KIRREL3: variants seen among roughly 807,000 people sequenced by gnomAD.
KIRREL3 encodes the protein kin of IRRE-like protein 3.
A neutral mutation model predicts 89.7 loss-of-function variants in KIRREL3; 36 were observed. That is an observed-to-expected ratio of 0.40 (90% CI 0.31 to 0.53). The LOEUF is 0.53. Ranked by LOEUF, KIRREL3 falls within the 20% of genes least tolerant of loss-of-function variation. KIRREL3 has a pLI of 0.49. For synonymous variants in KIRREL3, 445 were observed against 441.4 expected, an observed-to-expected ratio of 1.01 and a Z score of -0.10; for missense variants, 864 against 1,056.6, an observed-to-expected ratio of 0.82 and a Z score of 2.53.
chr11:126,524,346 G>A (rs1280972315), intron 3 of KIRREL3, among the ~76,000 whole-genome samples: 1 of 152,218 alleles, frequency 6.6e-6, no homozygotes, highest in East Asian at 1.9e-4. Context: ...GGTGGCCAAA[G>A]AGGTCTTTAT....
At position 126,764,991 on chromosome 11, in the gene KIRREL3, T is replaced by C. The variant is rs1484094619; in HGVS notation, c.56-202079A>G. 6.6e-6 allele frequency among the ~76,000 whole-genome samples: 1 copy of C among 152,174 alleles called. No homozygotes were observed. Among genetic ancestry groups the C allele is most frequent in the Non-Finnish European group, 1.5e-5 (1 of 68,030 alleles). On this transcript the variant is annotated intron_variant, in intron 1 of 16. Transcript: ENST00000525144. This position sits in a 1 kb window ranked among gnomAD's most constrained non-coding sequence, Gnocchi z 4.2. ...GAAACTTTTGAGGGTACAAATAGTA[T>C]ACAGGTCAAAAAGTAAAAGGTATCA... is the stretch of plus-strand genomic sequence containing the variant.
rs1437289068 is a variant in KIRREL3 at position 126,769,680 on chromosome 11, G to A, written c.56-206768C>T. ...CCTGCACAATGCTAGGCCCTGTGAA[G>A]GACAAGCAAGCAGACATTTGTCCTT... On this transcript the variant is annotated intron_variant, in intron 1 of 16. Transcript: ENST00000525144. This position sits in a 1 kb window ranked among gnomAD's most constrained non-coding sequence, Gnocchi z 4.3. Among the ~76,000 whole-genome samples the A allele has an allele frequency of 2.0e-5, 3 of 152,156 alleles. No individual in the cohort carries two copies. The highest frequency in any genetic ancestry group is 1.9e-4 in the East Asian group (1 of 5,180).
chr11:126,818,192 G>A (rs921346668), intron 1 of KIRREL3, among the ~76,000 whole-genome samples: 5 of 152,310 alleles, frequency 3.3e-5, no homozygotes, highest in Middle Eastern at 3.4e-3. Flanking sequence ...AGCCAGCTGC[G>A]TGCCAGACGA....
Position 126,995,800 on chromosome 11 carries a change from C to G in KIRREL3, c.55+4655G>C, listed in dbSNP as rs1950165723. On this transcript the variant is annotated intron_variant, in intron 1 of 16. Coordinates refer to ENST00000525144, the MANE Select transcript of KIRREL3 (RefSeq NM_032531.4). This position sits in a 1 kb window ranked among gnomAD's most constrained non-coding sequence, Gnocchi z 6.5. ...TATAATGCTGCCTAAGTCATCCCCACTGGGCTGAACAAAAAAGAAAAACTG... is the reference window on the plus strand; with the variant it reads ...TATAATGCTGCCTAAGTCATCCCCAGTGGGCTGAACAAAAAAGAAAAACTG... Among the ~76,000 whole-genome samples the G allele has an allele frequency of 6.6e-6, 1 of 152,204 alleles. No homozygotes were observed. The highest frequency in any genetic ancestry group is 2.4e-5 in the African/African-American group (1 of 41,432).
Position 126,632,560 on chromosome 11 carries a change from G to A in KIRREL3, c.56-69648C>T, listed in dbSNP as rs117858538. 4.0e-4 allele frequency among the ~76,000 whole-genome samples: 61 copies of A among 152,280 alleles called. No individual in the cohort carries two copies. In the East Asian group the frequency reaches 9.3e-3, roughly 23 times the overall value. ...TGTAACTTTATTACTTTTCCCACTC[G>A]TAAGTAATTGTGACTGACACATTGG... On this transcript the variant is annotated intron_variant, in intron 1 of 16. Transcript: ENST00000525144.
At position 126,668,483 on chromosome 11, in the gene KIRREL3, A is replaced by C. The variant is rs1379757512; in HGVS notation, c.56-105571T>G. ...CCCCAGACAGCTTCCCTTTCCCCAC[A>C]GTCCAACCGGCTGTCTAAGCTTAGG... On this transcript the variant is annotated intron_variant, in intron 1 of 16. Coordinates refer to ENST00000525144, the MANE Select transcript of KIRREL3 (RefSeq NM_032531.4). The surrounding 1 kb of genome is among the most constrained non-coding windows in gnomAD (Gnocchi z 4.4). Among the ~76,000 whole-genome samples the C allele has an allele frequency of 6.6e-6, 1 of 152,154 alleles. No individual in the cohort carries two copies. Among genetic ancestry groups the C allele is most frequent in the East Asian group, 1.9e-4 (1 of 5,182 alleles).
In KIRREL3 at chr11:126,446,846, C is replaced by T; in HGVS notation, c.1038G>A (p.Val346=). 1 of 1,603,470 alleles carries T rather than the reference C, an allele frequency of 6.2e-7. No individual in the cohort carries two copies. Among genetic ancestry groups the T allele is most frequent in the South Asian group, 1.1e-5 (1 of 88,678 alleles). Residue 346 remains valine, a synonymous_variant, in exon 9 of 17, where the codon GTG becomes GTA. Coordinates refer to ENST00000525144, the MANE Select transcript of KIRREL3 (RefSeq NM_032531.4). ...TGAAGATGGCATCAGAGCCCAGATCCACGAGCAAGGATTGGGGTTCTGTGG... is the reference window on the plus strand; with the variant it reads ...TGAAGATGGCATCAGAGCCCAGATCTACGAGCAAGGATTGGGGTTCTGTGG... ...RMTTEPQSLL[V]DLGSDAIFSC...
In KIRREL3 at chr11:126,607,945, G is replaced by A. The variant is rs754980971; in HGVS notation, c.56-45033C>T. 3.3e-5 allele frequency among the ~76,000 whole-genome samples: 5 copies of A among 152,198 alleles called. No individual in the cohort carries two copies. Among genetic ancestry groups the A allele is most frequent in the Non-Finnish European group, 5.9e-5 (4 of 68,038 alleles). Reference sequence around the variant, plus strand: ...GATCCACCCAGGCACTAGGGCAACTGCTCAGCCCCATCGCAGCAAGGGCCC... The same window carrying A: ...GATCCACCCAGGCACTAGGGCAACTACTCAGCCCCATCGCAGCAAGGGCCC... On this transcript the variant is annotated intron_variant, in intron 1 of 16. Transcript: ENST00000525144. This position sits in a 1 kb window ranked among gnomAD's most constrained non-coding sequence, Gnocchi z 6.6.
rs1030951120 is a variant in KIRREL3 at position 126,459,082 on chromosome 11, C to G, written c.743-2628G>C. Among the ~76,000 whole-genome samples, 4 of 152,088 alleles carry G rather than the reference C, an allele frequency of 2.6e-5. No individual in the cohort carries two copies. The highest frequency in any genetic ancestry group is 4.4e-5 in the Non-Finnish European group (3 of 68,024). On this transcript the variant is annotated intron_variant, in intron 6 of 16. Transcript: ENST00000525144. The surrounding 1 kb of genome is among the most constrained non-coding windows in gnomAD (Gnocchi z 4.8). ...CTTGGGAATCGCCACCGGATCCAAA[C>G]GCATTGCTGGCCCGTGCCCTCGCAT...
intron 1 of KIRREL3, among the ~76,000 whole-genome samples, chr11:126,634,039 C>T (rs1944162353): frequency 6.6e-6 from 1 of 152,190 alleles, no homozygotes; most frequent in East Asian, 1.9e-4. Flanking sequence ...TCCTTCCCTC[C>T]TGCTCTGGGG....
intron 1 of KIRREL3, among the ~76,000 whole-genome samples, chr11:126,727,520 C>T (rs1004266951): frequency 2.6e-5 from 4 of 152,318 alleles, no homozygotes; most frequent in Admixed American, 6.5e-5. Context: ...AGGTGGGAGG[C>T]GCTCAGCTGT....
chr11:126,438,145 G>A (rs771816626), intron 11 of KIRREL3, among the ~76,000 whole-genome samples: 1 of 152,232 alleles, frequency 6.6e-6, no homozygotes, highest in Non-Finnish European at 1.5e-5. Context: ...AATGCCCCCC[G>A]GGACTGTGGC....
In KIRREL3 at chr11:126,905,960, G is replaced by A. The variant is rs1037786527; in HGVS notation, c.55+94495C>T. On this transcript the variant is annotated intron_variant, in intron 1 of 16. Coordinates refer to ENST00000525144, the MANE Select transcript of KIRREL3 (RefSeq NM_032531.4). This position sits in a 1 kb window ranked among gnomAD's most constrained non-coding sequence, Gnocchi z 5.0. ...GACAGGCAGAGCCATTCTGTTTGGG[G>A]TTTGTCTACAAAATTGTCAGTTCAG... Among the ~76,000 whole-genome samples the A allele has an allele frequency of 2.0e-5, 3 of 152,188 alleles. No individual in the cohort carries two copies. Among genetic ancestry groups the A allele is most frequent in the African/African-American group, 7.2e-5 (3 of 41,454 alleles).
At chr11:126,865,214 T>C (rs574425462) in intron 1 of KIRREL3, among the ~76,000 whole-genome samples, 1 of 152,266 alleles carries the variant, frequency 6.6e-6, no homozygotes, top group Non-Finnish European at 1.5e-5. Context: ...TTGACTGTTC[T>C]GAGCCAAGAT....
intron 1 of KIRREL3, among the ~76,000 whole-genome samples, chr11:126,670,442 G>A (rs2086845055): frequency 6.6e-6 from 1 of 152,184 alleles, no homozygotes; most frequent in South Asian, 2.1e-4. Flanking sequence ...TGTACTGGAA[G>A]TCCTAGCTTA....
Position 126,429,189 on chromosome 11 carries a change from T to C in KIRREL3, c.1796A>G (p.Lys599Arg). Residue 599 changes from lysine to arginine, a missense_variant, in exon 15 of 17, where the codon AAG becomes AGG. Lys to Arg is a conservative substitution (Grantham distance 26, BLOSUM62 2). Coordinates refer to ENST00000525144, the MANE Select transcript of KIRREL3 (RefSeq NM_032531.4). The surrounding 1 kb of genome is among the most constrained non-coding windows in gnomAD (Gnocchi z 5.2). Reference sequence around the variant, plus strand: ...TAATTGCATTCTTACCATCAGCTGCTTGATGGTGGAGTGCTCCTCACCCTC... The same window carrying C: ...TAATTGCATTCTTACCATCAGCTGCCTGATGGTGGAGTGCTCCTCACCCTC... ...GREGEEHSTI[K>R]QLMMDRGEFQ... 1.2e-6 allele frequency: 2 copies of C among 1,603,994 alleles called. No homozygotes were observed. Among genetic ancestry groups the C allele is most frequent in the Non-Finnish European group, 1.7e-6 (2 of 1,170,782 alleles).
rs538408564 is a variant in KIRREL3 at position 126,780,950 on chromosome 11, T to C, written c.56-218038A>G. 3.0e-4 allele frequency among the ~76,000 whole-genome samples: 46 copies of C among 152,358 alleles called. No individual in the cohort carries two copies. The highest frequency in any genetic ancestry group is 1.0e-3 in the African/African-American group (43 of 41,584). On this transcript the variant is annotated intron_variant, in intron 1 of 16. Transcript: ENST00000525144. The surrounding 1 kb of genome is among the most constrained non-coding windows in gnomAD (Gnocchi z 5.3). ...ATGAGTTTCAATCTATCATAGATGCTAAATAAAAGTTTGTATTTTCTCCCT... is the reference window on the plus strand; with the variant it reads ...ATGAGTTTCAATCTATCATAGATGCCAAATAAAAGTTTGTATTTTCTCCCT...
Position 126,896,174 on chromosome 11 carries a change from G to A in KIRREL3, c.55+104281C>T, listed in dbSNP as rs766123116. Among the ~76,000 whole-genome samples, 2 of 152,222 alleles carry A rather than the reference G, an allele frequency of 1.3e-5. No homozygotes were observed. Among genetic ancestry groups the A allele is most frequent in the Non-Finnish European group, 2.9e-5 (2 of 68,040 alleles). On this transcript the variant is annotated intron_variant, in intron 1 of 16. Coordinates refer to ENST00000525144, the MANE Select transcript of KIRREL3 (RefSeq NM_032531.4). The surrounding 1 kb of genome is among the most constrained non-coding windows in gnomAD (Gnocchi z 4.1). ...AAAAAGCTGGACCTGTTAAAGGCAA[G>A]GCCTTCATTAGTCAGAGAGAAGTCA...
chr11:126,638,722 T>C (rs2134917865), intron 1 of KIRREL3, among the ~76,000 whole-genome samples: 1 of 152,168 alleles, frequency 6.6e-6, no homozygotes, highest in Non-Finnish European at 1.5e-5. Context: ...CTTTAGTGAA[T>C]GGGAGCCCAG....
Sources: allele counts gnomAD v4.1 joint callset (sites outside exome capture counted in the v4.1 genomes callset), GRCh38; gene constraint gnomAD v4.1.1; non-coding constraint Gnocchi (gnomAD v3.1); transcripts MANE v1.5; gene names NCBI Gene and HGNC (gene_info 2026-07-23, HGNC 2026-07-21).